The following RBM4 variants were observed in gnomAD, a reference collection of about 807,000 sequenced individuals.
RBM4 encodes RNA binding motif protein 4.
RBM4 carries 7 observed loss-of-function variants against 29.5 expected under a neutral mutation model. That is an observed-to-expected ratio of 0.24 (90% CI 0.14 to 0.45). The LOEUF (loss-of-function observed/expected upper bound fraction) is 0.45. Ranked by LOEUF, RBM4 falls within the 20% of genes least tolerant of loss-of-function variation. The pLI is 1.00. For missense variants in RBM4, 387 were observed against 502.3 expected (o/e 0.77, Z 2.19); for synonymous variants, 220 against 205.4 (o/e 1.07, Z -0.61).
chr11:66,655,492 C>T (rs963348306), intron 2 of RBM4, among the ~76,000 whole-genome samples: 6 of 152,080 alleles, frequency 3.9e-5, no homozygotes, highest in African/African-American at 9.7e-5. Context: ...ATGTTGCCTA[C>T]GGTGCTCTTG....
Position 66,639,789 on chromosome 11 carries a change from G to A in RBM4, c.78G>A (p.Gly26=). The A allele has an allele frequency of 5.6e-6, 9 of 1,614,164 alleles. No homozygotes were observed. Among genetic ancestry groups the A allele is most frequent in the Non-Finnish European group, 7.6e-6 (9 of 1,180,034 alleles). ...QEIRSLFEQY[G]KVLECDIIKN... ...TTCGCTCACTCTTCGAGCAGTATGG[G>A]AAGGTGCTGGAATGTGACATCATTA... is the stretch of plus-strand genomic sequence containing the variant. The change falls in exon 2 of 4, where the codon GGG becomes GGA. Residue 26 remains glycine (G), a synonymous_variant. Coordinates refer to ENST00000310092, the MANE Select transcript of RBM4 (RefSeq NM_002896.4).
intron 1 of RBM4, chr11:66,639,432 T>A (rs1938341289): frequency 2.1e-6 from 1 of 479,872 alleles, no homozygotes. Flanking sequence ...TTCATGCCCA[T>A]TTCTGTTGGA....
intron 2 of RBM4, chr11:66,665,779 C>A: frequency 7.4e-7 from 1 of 1,348,022 alleles, no homozygotes; most frequent in Non-Finnish European, 1.0e-6. Context: ...CCACTTATGG[C>A]TATATATATA....
intron 2 of RBM4, among the ~76,000 whole-genome samples, chr11:66,656,035 A>G (rs1278671591): frequency 1.3e-5 from 2 of 151,852 alleles, no homozygotes; most frequent in Non-Finnish European, 2.9e-5. Context: ...CAATGGTGCA[A>G]TCTCAGCTCA....
At chr11:66,644,562 C>T in intron 3 of RBM4, 1 of 459,926 alleles carries the variant, frequency 2.2e-6, no homozygotes, top group Non-Finnish European at 2.9e-6. Flanking sequence ...CTGTTTTGTG[C>T]TGTGTGAAAG....
chr11:66,640,026 C>T lies in RBM4; in HGVS notation c.315C>T (p.Ile105=), dbSNP rs1407083717. 1.2e-6 allele frequency: 2 copies of T among 1,614,034 alleles called. No individual in the cohort carries two copies. Among genetic ancestry groups the T allele is most frequent in the Non-Finnish European group, 1.7e-6 (2 of 1,180,042 alleles). ...RAKFEEYGPV[I]ECDIVKDYAF... The stretch of plus-strand genomic sequence containing the variant: ...AGTTTGAGGAGTATGGTCCGGTCAT[C>T]GAATGTGACATCGTGAAAGATTATG... The change falls in exon 2 of 4, where the codon ATC becomes ATT. Residue 105 remains isoleucine, a synonymous_variant. Transcript: ENST00000310092.
chr11:66,643,300 C>CTT lies in RBM4; in HGVS notation c.413-139_413-138dup. On this transcript the variant is annotated intron_variant, in intron 2 of 3. Transcript: ENST00000310092. This position sits in a 1 kb window ranked among gnomAD's most constrained non-coding sequence, Gnocchi z 6.1. ...ATTATACTGAATCTATATGTTGAGT[C>CTT]TTTTTTTTTTTTCCTTTTTATCTTT... is the stretch of plus-strand genomic sequence containing the variant. 1.0e-4 allele frequency: 86 copies of CTT among 850,810 alleles called. No homozygotes were observed. The highest frequency in any genetic ancestry group is 1.2e-4 in the South Asian group (5 of 41,774). The allele number at this position is 850,810 out of a possible 1,614,324, so 52.7% of individuals were successfully genotyped here.
intron 2 of RBM4, among the ~76,000 whole-genome samples, chr11:66,658,065 G>A (rs991615628): frequency 1.3e-5 from 2 of 148,226 alleles, no homozygotes; most frequent in African/African-American, 5.0e-5. Context: ...TGCTCTTGTT[G>A]CCCAGGCTGC....
chr11:66,660,087 T>C (rs1486556314), intron 2 of RBM4, among the ~76,000 whole-genome samples: 1 of 151,964 alleles, frequency 6.6e-6, no homozygotes, highest in Non-Finnish European at 1.5e-5. Flanking sequence ...TGACTCTCCT[T>C]TCAGATCCTT....
At chr11:66,657,108 CTTTTTTTTT>C (rs748071140) in intron 2 of RBM4, among the ~76,000 whole-genome samples, 3 of 93,430 alleles carry the variant, frequency 3.2e-5, no homozygotes, top group Admixed American at 1.1e-4. Context: ...ATTTTTTAGT[CTTTTTTTTT>C]TTTTTTTTTT....
chr11:66,639,480 A>T, intron 1 of RBM4: 1 of 610,332 alleles, frequency 1.6e-6, no homozygotes, highest in East Asian at 2.8e-5. Context: ...TCTACTAAGG[A>T]CCTCCCTATT....
chr11:66,659,102 GTTTCAGTTCCCTATGTGGT>G (rs1178837076), intron 2 of RBM4, among the ~76,000 whole-genome samples: 4 of 150,454 alleles, frequency 2.7e-5, no homozygotes, highest in African/African-American at 9.8e-5. Context: ...AATTTCACCT[GTTTCAGTTCCCTATGTGGT>G]TTGCATTTGT....
exon 3 of RBM4, chr11:66,666,334 A>C: frequency 9.8e-7 from 1 of 1,016,098 alleles, no homozygotes; most frequent in Non-Finnish European, 1.2e-6. Context: ...GTGCCAATCG[A>C]CTTCAAAAGT....
At chr11:66,650,205 A>G (rs535895320), downstream of RBM4, among the ~76,000 whole-genome samples, 8 of 152,338 alleles carry the variant, frequency 5.3e-5, no homozygotes, top group Non-Finnish European at 7.3e-5. Context: ...CATGGGTCAA[A>G]GGACCTGTGA....
At chr11:66,666,012 A>C (rs962228832) in exon 3 of RBM4, 19 of 1,422,568 alleles carry the variant, frequency 1.3e-5, no homozygotes, top group African/African-American at 4.3e-5. Flanking sequence ...GTTTTGTTTT[A>C]ATCTTTCACA....
downstream of RBM4, among the ~76,000 whole-genome samples, chr11:66,648,333 C>T (rs1300071897): frequency 1.3e-5 from 2 of 152,008 alleles, no homozygotes; most frequent in Admixed American, 1.3e-4. Context: ...CCAGCCTGGG[C>T]AACATGGTGA....
At chr11:66,662,788 T>C (rs1939107126) in intron 2 of RBM4, among the ~76,000 whole-genome samples, 1 of 152,230 alleles carries the variant, frequency 6.6e-6, no homozygotes, top group Non-Finnish European at 1.5e-5. Context: ...CTGCAAATTT[T>C]TTTTCTTGGC....
At chr11:66,642,804 G>A (rs1296640622) in intron 2 of RBM4, among the ~76,000 whole-genome samples, 1 of 152,186 alleles carries the variant, frequency 6.6e-6, no homozygotes, top group African/African-American at 2.4e-5. Context: ...CCTCGTTAAA[G>A]CAATGATCAG....
intron 2 of RBM4, among the ~76,000 whole-genome samples, chr11:66,660,370 T>TTTG: frequency 6.7e-6 from 1 of 149,430 alleles, no homozygotes; most frequent in Non-Finnish European, 1.5e-5. Context: ...TTTTTTTTTT[T>TTTG]GAGACAGAGT....
Sources: allele counts gnomAD v4.1 joint callset (sites outside exome capture counted in the v4.1 genomes callset), GRCh38; gene constraint gnomAD v4.1.1; non-coding constraint Gnocchi (gnomAD v3.1); transcripts MANE v1.5; gene names NCBI Gene and HGNC (gene_info 2026-07-23, HGNC 2026-07-21).